CASP10: variants seen among roughly 807,000 people sequenced by gnomAD.
CASP10 encodes the protein caspase-10.
CASP10 carries 41 observed loss-of-function variants against 48.5 expected under a neutral mutation model. The observed-to-expected ratio is 0.85, with a 90% CI of 0.66 to 1.10. CASP10 has a LOEUF of 1.10. Ranked by LOEUF, CASP10 falls within the 50% of genes least tolerant of loss-of-function variation. The pLI is 0.00. For synonymous variants in CASP10, 232 were observed against 238.4 expected (o/e 0.97, Z 0.25); for missense variants, 614 against 614.5 (o/e 1.00, Z 0.01).
intron 4 of CASP10, among the ~76,000 whole-genome samples, chr2:201,193,636 A>T (rs1944690199): frequency 6.6e-6 from 1 of 152,226 alleles, no homozygotes; most frequent in African/African-American, 2.4e-5. Context: ...GAAGTTGAGG[A>T]TATAGCAAAG....
intron 9 of CASP10, among the ~76,000 whole-genome samples, chr2:201,226,779 A>ATAC (rs1945793135): frequency 6.6e-6 from 1 of 152,226 alleles, no homozygotes. Flanking sequence ...ATATAAAGGA[A>ATAC]TACTATCAAG....
intron 5 of CASP10, chr2:201,200,327 C>A: frequency 1.1e-6 from 1 of 893,118 alleles, no homozygotes. Context: ...CTTGTGTGAT[C>A]CAGCATTTAC....
At chr2:201,200,239 G>A (rs1944964858) in intron 5 of CASP10, among the ~76,000 whole-genome samples, 1 of 152,172 alleles carries the variant, frequency 6.6e-6, no homozygotes, top group African/African-American at 2.4e-5. Context: ...GCAAGTGCTG[G>A]AGAGACATTT....
In CASP10 at chr2:201,209,182, T is replaced by G; in HGVS notation, c.1035T>G (p.His345Gln). The change falls in exon 9 of 10, where the codon CAT (histidine) becomes CAG (glutamine). Residue 345 changes from histidine to glutamine, a missense_variant. By Grantham distance (24) the His-to-Gln change is conservative. Coordinates refer to ENST00000286186, the MANE Select transcript of CASP10 (RefSeq NM_032977.4). ...AGAAGCAGAAGTGCAATCCAGCCCA[T>G]GCCGACGGGGACTGCTTCGTGTTCT... ...VLQKQKCNPA[H>Q]ADGDCFVFCI... The G allele has an allele frequency of 2.5e-6, 4 of 1,612,884 alleles. No individual in the cohort carries two copies. Among genetic ancestry groups the G allele is most frequent in the Non-Finnish European group, 3.4e-6 (4 of 1,179,050 alleles).
chr2:201,185,677 C>T (rs1266865375), intron 1 of CASP10, 94 bp from the exon 2 acceptor site: 29 of 822,896 alleles, frequency 3.5e-5, no homozygotes, highest in Middle Eastern at 2.3e-4. Flanking sequence ...ATGCCCAGAA[C>T]GGAGAAGGTT....
intron 3 of CASP10, 115 bp from the exon 4 acceptor site, chr2:201,192,869 C>A (rs1332587164): frequency 9.6e-7 from 1 of 1,036,488 alleles, no homozygotes; most frequent in Non-Finnish European, 1.5e-6. Context: ...AGGGCAGATG[C>A]TGTTATATCT....
rs1209914426 is a variant in CASP10, at chr2:201,205,906, CA to C, written c.748del (p.Ser250AlafsTer15). On this transcript the variant is annotated frameshift_variant, in exon 7 of 10. Coordinates refer to ENST00000286186, the MANE Select transcript of CASP10 (RefSeq NM_032977.4). LOFTEE classifies it high-confidence loss of function. ...SNGNRATNGA[P>X]SLVSRGMQGA... is the part of the protein sequence containing the mutation. ...GGTAACAGAGCCACAAATGGTGCAC[CA>C]AGCCTGGTCTCCAGGGGGATGCAAG... is the stretch of plus-strand genomic sequence containing the variant. The C allele has an allele frequency of 6.2e-7, 1 of 1,612,366 alleles. No homozygotes were observed. The highest frequency in any genetic ancestry group is 2.2e-5 in the East Asian group (1 of 44,846).
At position 201,205,828 on chromosome 2, in the gene CASP10, A is replaced by C. The variant is rs372907195; in HGVS notation, c.722-54A>C. 969 of 1,070,142 alleles carry C rather than the reference A, an allele frequency of 9.1e-4. 17 individuals carry two copies. Among genetic ancestry groups the C allele is most frequent in the South Asian group, 8.4e-3 (674 of 79,776 alleles). The allele number at this position is 1,070,142 out of a possible 1,614,324, so 66.3% of individuals were successfully genotyped here. ...AATTAGATGCGAAAATTATCAGTGAAGAAATCTAAGTGCTTGGGGAAGATA... is the reference window on the plus strand; with the variant it reads ...AATTAGATGCGAAAATTATCAGTGACGAAATCTAAGTGCTTGGGGAAGATA... On this transcript the variant is annotated intron_variant, in intron 6 of 9. Coordinates refer to ENST00000286186, the MANE Select transcript of CASP10 (RefSeq NM_032977.4).
Position 201,221,391 on chromosome 2 carries a change from A to C in CASP10, c.*3650A>C, listed in dbSNP as rs1945716184. The C allele has an allele frequency of 1.8e-6, 1 of 569,592 alleles. No homozygotes were observed. Among genetic ancestry groups the C allele is most frequent in the Non-Finnish European group, 2.2e-6 (1 of 450,118 alleles). The allele number at this position is 569,592 out of a possible 1,614,324, so 35.3% of individuals were successfully genotyped here. A position where few individuals can be genotyped will look rare whatever the true frequency, so the allele number is the denominator to read the frequency against. On this transcript the variant is annotated 3_prime_UTR_variant, in exon 10 of 10. Coordinates refer to ENST00000286186, the MANE Select transcript of CASP10 (RefSeq NM_032977.4). ...GATGGCCTGAAGTAACTGAAGAATC[A>C]CAAAAGAAGTGAAAATGGCCTGTTC...
At chr2:201,214,666 T>C (rs1337301759) in intron 9 of CASP10, 1 of 152,176 alleles carries the variant, frequency 6.6e-6, no homozygotes, top group African/African-American at 2.4e-5. Context: ...AGCATTGAAG[T>C]AAATTTAGGT....
Position 201,189,785 on chromosome 2 carries a change from C to A in CASP10, c.441+1986C>A, listed in dbSNP as rs559545059. 9.9e-5 allele frequency among the ~76,000 whole-genome samples: 15 copies of A among 152,140 alleles called. No homozygotes were observed. In the South Asian group the frequency reaches 3.1e-3, roughly 32 times the overall value. On this transcript the variant is annotated intron_variant, in intron 3 of 9. Transcript: ENST00000286186. ...GTCTGAGGTGGACAGGTCACTTGAGCCTCAGGAGTTTGAGACTAGACTGGG... is the reference window on the plus strand; with the variant it reads ...GTCTGAGGTGGACAGGTCACTTGAGACTCAGGAGTTTGAGACTAGACTGGG...
At chr2:201,226,428 C>T (rs1945788973), downstream of CASP10, among the ~76,000 whole-genome samples, 1 of 152,170 alleles carries the variant, frequency 6.6e-6, no homozygotes, top group South Asian at 2.1e-4. Flanking sequence ...GAAATTTGCA[C>T]ACAGTAAAAT....
rs903530916 is a variant in CASP10 at position 201,218,651 on chromosome 2, T to A, written c.*910T>A. The A allele has an allele frequency of 2.0e-6, 2 of 985,342 alleles. No individual in the cohort carries two copies. Among genetic ancestry groups the A allele is most frequent in the African/African-American group, 3.5e-5 (2 of 57,220 alleles). 61.0% of individuals were successfully genotyped at this position (985,342 alleles called of 1,614,324 possible). On this transcript the variant is annotated 3_prime_UTR_variant, in exon 10 of 10. Transcript: ENST00000286186. ...TCCTTGGTGTTCAAAAACCACGTTC[T>A]TAGCCTAGATTGAGCTTAGATTGCC...
At chr2:201,187,600 G>A in intron 2 of CASP10, 106 bp from the exon 3 acceptor site, 1 of 853,962 alleles carries the variant, frequency 1.2e-6, no homozygotes, top group Non-Finnish European at 2.0e-6. Flanking sequence ...TCTACACATA[G>A]AGTTGATCAT....
chr2:201,190,134 G>T (rs376672633), intron 3 of CASP10, among the ~76,000 whole-genome samples: 2 of 152,000 alleles, frequency 1.3e-5, no homozygotes, highest in African/African-American at 4.8e-5. Context: ...GGTTCATCTT[G>T]TATATTTTCT....
chr2:201,205,476 C>T (rs1229778044), intron 6 of CASP10, among the ~76,000 whole-genome samples: 1 of 152,024 alleles, frequency 6.6e-6, no homozygotes, highest in African/African-American at 2.4e-5. Context: ...AGCGATCAGC[C>T]CGTCTTGGCC....
intron 7 of CASP10, among the ~76,000 whole-genome samples, chr2:201,207,586 GTC>G (rs1446387346): frequency 6.6e-6 from 1 of 151,914 alleles, no homozygotes; most frequent in Non-Finnish European, 1.5e-5. Context: ...GTGAAACCCC[GTC>G]TCTACTAAAA....
intron 3 of CASP10, among the ~76,000 whole-genome samples, chr2:201,190,989 G>A (rs755114344): frequency 8.6e-5 from 13 of 151,874 alleles, no homozygotes; most frequent in Non-Finnish European, 1.9e-4. Context: ...AGCCTCCTGA[G>A]TAGCTGGGAT....
chr2:201,218,393 C>G lies in CASP10; in HGVS notation c.*652C>G, dbSNP rs944293630. On this transcript the variant is annotated 3_prime_UTR_variant, in exon 10 of 10. Coordinates refer to ENST00000286186, the MANE Select transcript of CASP10 (RefSeq NM_032977.4). The stretch of plus-strand genomic sequence containing the variant: ...TCACTGTTCACTGCAGCCTTGACCT[C>G]CCAGGTTCAAGCGATCCTCCCACCT... The G allele has an allele frequency of 1.1e-6, 1 of 911,112 alleles. No homozygotes were observed. The highest frequency in any genetic ancestry group is 1.3e-6 in the Non-Finnish European group (1 of 762,044). 56.4% of individuals were successfully genotyped at this position (911,112 alleles called of 1,614,324 possible).
Sources: gnomAD v4.1 joint callset for allele counts (sites outside exome capture counted in the v4.1 genomes callset) on GRCh38, gnomAD v4.1.1 for gene constraint, MANE v1.5 for transcripts, NCBI Gene and HGNC (gene_info 2026-07-23, HGNC 2026-07-21) for gene names.